The following DGKA variants were observed in gnomAD, a reference collection of about 807,000 sequenced individuals.
DGKA encodes diacylglycerol kinase alpha.
DGKA carries 35 observed loss-of-function variants against 105.0 expected under a neutral mutation model. The observed-to-expected ratio is 0.33, with a 90% confidence interval of 0.25 to 0.44. The LOEUF (loss-of-function observed/expected upper bound fraction) is 0.44, where lower values mean the gene tolerates loss of function less well. Ranked by LOEUF, DGKA falls within the 20% of genes least tolerant of loss-of-function variation. The pLI, the probability that DGKA is intolerant of heterozygous loss-of-function variation, is 1.00. For synonymous variants in DGKA, 296 were observed against 332.0 expected, an observed-to-expected ratio of 0.89 and a Z score of 1.18; for missense variants, 665 against 915.0, an observed-to-expected ratio of 0.73 and a Z score of 3.53.
upstream of DGKA, chr12:55,928,126 T>G: frequency 1.1e-4 from 27 of 256,382 alleles, no homozygotes; most frequent in East Asian, 1.6e-4. Context: ...GCAACTGTTG[T>G]TCCTTCAGGG....
chr12:55,941,960 G>C (rs1886101904), intron 15 of DGKA, 38 bp from the exon 16 acceptor site: 1 of 1,609,706 alleles, frequency 6.2e-7, no homozygotes. Context: ...CCTCAGTCCT[G>C]TTATCCTTCT....
At chr12:55,929,348 C>T (rs1883264664), upstream of DGKA, 1 of 152,268 alleles carries the variant, frequency 6.6e-6, no homozygotes, top group South Asian at 2.1e-4. Context: ...TTGGTCTTGA[C>T]TGAACTACCT....
At chr12:55,933,343 C>T (rs770651953) in intron 1 of DGKA, among the ~76,000 whole-genome samples, 8 of 152,100 alleles carry the variant, frequency 5.3e-5, no homozygotes, top group Admixed American at 2.0e-4. Flanking sequence ...TGGGTAGGGG[C>T]GGGCAGGGAA....
chr12:55,936,250 G>T, intron 1 of DGKA, 173 bp from the exon 2 acceptor site: 1 of 704,646 alleles, frequency 1.4e-6, no homozygotes, highest in Non-Finnish European at 2.1e-6. Flanking sequence ...TGTCAGGGAA[G>T]GTAGAGGCAT....
In DGKA at chr12:55,953,840, T is replaced by A. The variant is rs1335840102; in HGVS notation, c.*72T>A. On this transcript the variant is annotated 3_prime_UTR_variant, in exon 24 of 24. Coordinates refer to ENST00000331886, the MANE Select transcript of DGKA (RefSeq NM_001345.5). ...TCCCTGGACTCTACTCCCGAGGCTCTGTACATTGCTGCCACATACTCCTGC... is the reference window on the plus strand; with the variant it reads ...TCCCTGGACTCTACTCCCGAGGCTCAGTACATTGCTGCCACATACTCCTGC... 7.4e-7 allele frequency: 1 copy of A among 1,351,608 alleles called. No homozygotes were observed. Among genetic ancestry groups the A allele is most frequent in the Non-Finnish European group, 1.1e-6 (1 of 950,140 alleles). The allele number at this position is 1,351,608 out of a possible 1,614,324, so 83.7% of individuals were successfully genotyped here. A position where few individuals can be genotyped will look rare whatever the true frequency, so the allele number is the denominator to read the frequency against.
chr12:55,936,404 C>T lies in DGKA; in HGVS notation c.-81-19C>T, dbSNP rs1238205688. On this transcript the variant is annotated intron_variant, in intron 1 of 23. Coordinates refer to ENST00000331886, the MANE Select transcript of DGKA (RefSeq NM_001345.5). ...GACAGCTGGCTCTTCCCACTGTACG[C>T]TCTGTCACCTTTCCCCAGGCCTACC... The T allele has an allele frequency of 1.4e-5, 21 of 1,519,326 alleles. No individual in the cohort carries two copies. The East Asian group carries it at 4.7e-4, about 34-fold the overall frequency. The allele number at this position is 1,519,326 out of a possible 1,614,324, so 94.1% of individuals were successfully genotyped here. A position where few individuals can be genotyped will look rare whatever the true frequency, so the allele number is the denominator to read the frequency against.
chr12:55,951,926 G>C, intron 18 of DGKA, 109 bp from the exon 19 acceptor site: 1 of 1,519,588 alleles, frequency 6.6e-7, no homozygotes, highest in Non-Finnish European at 9.1e-7. Context: ...AGTTGCAAGG[G>C]AAGATCTTGG....
In DGKA at chr12:55,951,671, G is replaced by A; in HGVS notation, c.1475G>A (p.Ser492Asn). 6.2e-7 allele frequency: 1 copy of A among 1,614,126 alleles called. No individual in the cohort carries two copies. The highest frequency in any genetic ancestry group is 8.5e-7 in the Non-Finnish European group (1 of 1,180,028). ...LAKILKDLEM[S>N]KVVHMDRWSV... ...AAGATCCTCAAGGATTTAGAGATGAGTAAAGTGGTACATATGGATCGATGG... is the reference window on the plus strand; with the variant it reads ...AAGATCCTCAAGGATTTAGAGATGAATAAAGTGGTACATATGGATCGATGG... The change falls in exon 18 of 24, where the codon AGT (serine) becomes AAT (asparagine). Residue 492 changes from serine (S) to asparagine (N), a missense_variant. Around this residue, in one of 3 missense-constraint regions of DGKA, gnomAD observed 504 missense variants for 681.2 expected, o/e 0.74. Transcript: ENST00000331886.
At chr12:55,939,347 G>T (rs1885420385) in intron 8 of DGKA, 42 bp downstream of exon 8, 7 of 1,613,396 alleles carry the variant, frequency 4.3e-6, no homozygotes, top group Non-Finnish European at 5.1e-6. Context: ...GACAGCCTTG[G>T]GTTATGCTTG....
At chr12:55,942,288 T>A in intron 17 of DGKA, 25 bp downstream of exon 17, 1 of 1,610,958 alleles carries the variant, frequency 6.2e-7, no homozygotes, top group Non-Finnish European at 8.5e-7. Flanking sequence ...ATTGTTTTGC[T>A]GTAGGCTGAG....
In DGKA at chr12:55,939,397, T is replaced by C; in HGVS notation, c.595-18T>C. The C allele has an allele frequency of 6.2e-7, 1 of 1,614,084 alleles. No individual in the cohort carries two copies. The highest frequency in any genetic ancestry group is 8.5e-7 in the Non-Finnish European group (1 of 1,179,966). On this transcript the variant is annotated intron_variant, in intron 8 of 23. Transcript: ENST00000331886. ...GTAAGGGCTTTGACACTCCCTAGCA[T>C]CTACTGTGCCTTCCTAGACTCTGAA...
At position 55,952,224 on chromosome 12, in the gene DGKA, C is replaced by A; in HGVS notation, c.1653-117C>A. On this transcript the variant is annotated intron_variant, in intron 19 of 23. Transcript: ENST00000331886. This position sits in a 1 kb window ranked among gnomAD's most constrained non-coding sequence, Gnocchi z 5.1. Reference sequence around the variant, plus strand: ...GGAGGTCCCCCCAACCAAAGCCACCCTTGTTCCCCATGGGACTAAAGTTAG... The same window carrying A: ...GGAGGTCCCCCCAACCAAAGCCACCATTGTTCCCCATGGGACTAAAGTTAG... 6.7e-7 allele frequency: 1 copy of A among 1,501,840 alleles called. No homozygotes were observed. Among genetic ancestry groups the A allele is most frequent in the Non-Finnish European group, 9.3e-7 (1 of 1,079,622 alleles). The allele number at this position is 1,501,840 out of a possible 1,614,324, so 93.0% of individuals were successfully genotyped here. A position where few individuals can be genotyped will look rare whatever the true frequency, so the allele number is the denominator to read the frequency against.
chr12:55,933,396 G>C (rs1187571961), intron 1 of DGKA: 2 of 152,208 alleles, frequency 1.3e-5, no homozygotes, highest in African/African-American at 4.8e-5. Flanking sequence ...ATAGCTGGCA[G>C]GCTGGCAGCA....
chr12:55,938,587 C>G, intron 6 of DGKA, 27 bp downstream of exon 6: 1 of 1,613,994 alleles, frequency 6.2e-7, no homozygotes, highest in Non-Finnish European at 8.5e-7. Flanking sequence ...GTATGCTGGG[C>G]AAGGGAATAT....
In DGKA at chr12:55,952,409, T is replaced by A; in HGVS notation, c.1721T>A (p.Leu574Gln). The change falls in exon 20 of 24, where the codon CTG (leucine) becomes CAG (glutamine). Residue 574 changes from leucine to glutamine, a missense_variant. This residue lies in a region of DGKA where 158 missense variants were observed against 213.4 expected (regional missense o/e 0.74). Coordinates refer to ENST00000331886, the MANE Select transcript of DGKA (RefSeq NM_001345.5). The surrounding 1 kb of genome is among the most constrained non-coding windows in gnomAD (Gnocchi z 5.1). ...TCCATCTTCTCAACATGCAAAAAGC[T>A]GGAGGAGTCTTTGACAGTTGAGGTG... ...SESIFSTCKK[L>Q]EESLTVEICG... 1.9e-6 allele frequency: 3 copies of A among 1,614,210 alleles called. No homozygotes were observed. Among genetic ancestry groups the A allele is most frequent in the Non-Finnish European group, 2.5e-6 (3 of 1,180,028 alleles).
chr12:55,931,530 G>C (rs1312348506), intron 1 of DGKA, 186 bp downstream of exon 1: 1 of 152,570 alleles, frequency 6.6e-6, no homozygotes, highest in Non-Finnish European at 1.5e-5. Context: ...GTAGAGCCCG[G>C]GGCGGGAGGG....
intron 5 of DGKA, 64 bp from the exon 6 acceptor site, chr12:55,938,447 T>G: frequency 6.3e-7 from 1 of 1,594,534 alleles, no homozygotes; most frequent in Non-Finnish European, 8.6e-7. Context: ...TCCCCCATAT[T>G]CTGGTATGAA....
At position 55,940,485 on chromosome 12, in the gene DGKA, T is replaced by C. The variant is rs1262358192; in HGVS notation, c.918+52T>C. 1.2e-6 allele frequency: 2 copies of C among 1,604,726 alleles called. No individual in the cohort carries two copies. The highest frequency in any genetic ancestry group is 2.2e-5 in the South Asian group (2 of 90,110). On this transcript the variant is annotated intron_variant, in intron 11 of 23. Coordinates refer to ENST00000331886, the MANE Select transcript of DGKA (RefSeq NM_001345.5). The surrounding 1 kb of genome is among the most constrained non-coding windows in gnomAD (Gnocchi z 4.3). ...GTGCGTCTTACCCCGCAGAGCTGCC[T>C]TCTCCACGGGCCTCCGGCCACACCT...
intron 9 of DGKA, 103 bp downstream of exon 9, chr12:55,939,632 T>A (rs1885483293): frequency 3.6e-6 from 4 of 1,104,056 alleles, no homozygotes; most frequent in Non-Finnish European, 4.0e-6. Context: ...AATCCTGGGC[T>A]CTGCCACTGA....
Sources: allele counts gnomAD v4.1 joint callset (sites outside exome capture counted in the v4.1 genomes callset), GRCh38; gene constraint gnomAD v4.1.1; regional missense constraint gnomAD v4.1.1; non-coding constraint Gnocchi (gnomAD v3.1); transcripts MANE v1.5; gene names NCBI Gene and HGNC (gene_info 2026-07-23, HGNC 2026-07-21).